PCBD2: variants seen among roughly 807,000 people sequenced by gnomAD.
PCBD2 encodes the protein pterin-4-alpha-carbinolamine dehydratase 2.
PCBD2 carries 12 observed loss-of-function variants against 16.4 expected under a neutral mutation model. That is an observed-to-expected ratio of 0.73 (90% CI 0.47 to 1.19). The LOEUF (loss-of-function observed/expected upper bound fraction) is 1.19. Ranked by LOEUF, PCBD2 falls within the 50% of genes most tolerant of loss-of-function variation. The pLI, the probability that PCBD2 is intolerant of heterozygous loss-of-function variation, is 0.00. For missense variants in PCBD2, 138 were observed against 156.8 expected (o/e 0.88, Z 0.64); for synonymous variants, 58 against 61.8 (o/e 0.94, Z 0.29).
chr5:134,907,993 C>G (rs1021786142), intron 1 of PCBD2, among the ~76,000 whole-genome samples: 4 of 149,894 alleles, frequency 2.7e-5, no homozygotes, highest in Admixed American at 1.3e-4. Flanking sequence ...GATCATAGCT[C>G]ACTGCAGCCT....
intron 2 of PCBD2, among the ~76,000 whole-genome samples, chr5:134,946,360 T>G (rs1751295620): frequency 6.6e-6 from 1 of 152,204 alleles, no homozygotes; most frequent in Non-Finnish European, 1.5e-5. Flanking sequence ...TTGCTGGGCT[T>G]CTTGCTTGAC....
intron 2 of PCBD2, among the ~76,000 whole-genome samples, chr5:134,917,326 T>A (rs933195856): frequency 2.0e-5 from 3 of 152,238 alleles, no homozygotes; most frequent in Admixed American, 6.5e-5. Flanking sequence ...CAGAAGGCTG[T>A]CCCTGTTCTT....
At chr5:134,906,417 G>A (rs999431247) in intron 1 of PCBD2, among the ~76,000 whole-genome samples, 1 of 151,440 alleles carries the variant, frequency 6.6e-6, no homozygotes, top group African/African-American at 2.4e-5. Context: ...TGTTAGCCAG[G>A]ATGGTCTCGA....
chr5:134,946,416 A>G (rs1366413835), intron 2 of PCBD2, among the ~76,000 whole-genome samples: 1 of 152,154 alleles, frequency 6.6e-6, no homozygotes, highest in Non-Finnish European at 1.5e-5. Flanking sequence ...TCTTCCATGG[A>G]CACATTGCTG....
At chr5:134,921,306 G>T (rs1205544882) in intron 2 of PCBD2, among the ~76,000 whole-genome samples, 1 of 152,166 alleles carries the variant, frequency 6.6e-6, no homozygotes, top group Non-Finnish European at 1.5e-5. Flanking sequence ...TGTTAGTCAG[G>T]TACTAGAATG....
intron 2 of PCBD2, 145 bp downstream of exon 2, chr5:134,910,611 A>G (rs2149529984): frequency 1.8e-6 from 2 of 1,081,606 alleles, no homozygotes; most frequent in East Asian, 5.2e-5. Context: ...ATAGAGTGAC[A>G]TCCTTGTTGA....
At chr5:134,914,445 A>T (rs1750803101) in intron 2 of PCBD2, among the ~76,000 whole-genome samples, 1 of 152,032 alleles carries the variant, frequency 6.6e-6, no homozygotes, top group Non-Finnish European at 1.5e-5. Context: ...AACATTTTGT[A>T]TGTTTTTTTT....
intron 2 of PCBD2, among the ~76,000 whole-genome samples, chr5:134,947,095 A>T (rs1479999123): frequency 1.3e-3 from 185 of 146,728 alleles, no homozygotes; most frequent in African/African-American, 3.2e-3. Flanking sequence ...AAAAAAAAAA[A>T]TTTTTTTTTT....
intron 2 of PCBD2, among the ~76,000 whole-genome samples, chr5:134,953,543 G>A (rs905154391): frequency 6.6e-6 from 1 of 151,820 alleles, no homozygotes. Flanking sequence ...ACCTGTAATC[G>A]CGGCACTTTG....
At chr5:134,922,842 A>G (rs1750921109) in intron 2 of PCBD2, among the ~76,000 whole-genome samples, 1 of 151,510 alleles carries the variant, frequency 6.6e-6, no homozygotes, top group African/African-American at 2.4e-5. Flanking sequence ...TTTTGTATTT[A>G]TTTATTTATT....
intron 2 of PCBD2, among the ~76,000 whole-genome samples, chr5:134,950,903 G>T (rs1302454430): frequency 6.6e-6 from 1 of 152,074 alleles, no homozygotes; most frequent in African/African-American, 2.4e-5. Context: ...CTGTAAATTG[G>T]CACTAAAAAC....
rs986241223 is a variant in PCBD2, at chr5:134,959,695, C to A, written c.297+575C>A. Among the ~76,000 whole-genome samples, 6 of 151,926 alleles carry A rather than the reference C, an allele frequency of 3.9e-5. No individual in the cohort carries two copies. The East Asian group carries it at 1.2e-3, about 29-fold the overall frequency. On this transcript the variant is annotated intron_variant, in intron 3 of 3. Transcript: ENST00000254908. Reference sequence around the variant, plus strand: ...TCTATGAAGTCTTCTCTGTGAAAATCTTTGAAAAAAGAGAATTTCACAATA... The same window carrying A: ...TCTATGAAGTCTTCTCTGTGAAAATATTTGAAAAAAGAGAATTTCACAATA...
chr5:134,910,220 G>T, intron 1 of PCBD2, 115 bp from the exon 2 acceptor site: 1 of 1,112,030 alleles, frequency 9.0e-7, no homozygotes, highest in Non-Finnish European at 1.3e-6. Context: ...ATGAAAGATG[G>T]TTAGAATTTG....
intron 1 of PCBD2, among the ~76,000 whole-genome samples, chr5:134,909,911 A>G (rs866366680): frequency 6.6e-6 from 1 of 152,186 alleles, no homozygotes; most frequent in South Asian, 2.1e-4. Flanking sequence ...TCTACCAAAA[A>G]TACAAAAAAT....
chr5:134,931,432 A>C (rs1025506788), intron 2 of PCBD2, among the ~76,000 whole-genome samples: 3 of 152,140 alleles, frequency 2.0e-5, no homozygotes, highest in African/African-American at 7.2e-5. Flanking sequence ...TGAACTAATG[A>C]GTGTTTGAGT....
intron 2 of PCBD2, among the ~76,000 whole-genome samples, chr5:134,915,704 G>A (rs1428545360): frequency 6.6e-6 from 1 of 152,032 alleles, no homozygotes; most frequent in East Asian, 1.9e-4. Flanking sequence ...TCCTGCCTCA[G>A]CCTCTCAAAG....
chr5:134,954,145 G>A (rs1751390045), intron 2 of PCBD2, among the ~76,000 whole-genome samples: 1 of 151,988 alleles, frequency 6.6e-6, no homozygotes, highest in Admixed American at 6.6e-5. Flanking sequence ...TTTTTTTGTA[G>A]AGATAGGGTC....
intron 2 of PCBD2, among the ~76,000 whole-genome samples, chr5:134,944,745 T>G (rs1367279897): frequency 6.6e-6 from 1 of 152,206 alleles, no homozygotes; most frequent in East Asian, 1.9e-4. Context: ...AAAGACCGGC[T>G]CAGCCTCCCA....
chr5:134,927,314 A>G (rs1317676290), intron 2 of PCBD2: 2 of 398,384 alleles, frequency 5.0e-6, no homozygotes, highest in Non-Finnish European at 8.8e-6. Context: ...GTATTATACC[A>G]TAGCCGCCTA....
Sources: allele counts gnomAD v4.1 joint callset (sites outside exome capture counted in the v4.1 genomes callset), GRCh38; gene constraint gnomAD v4.1.1; transcripts MANE v1.5; gene names NCBI Gene and HGNC (gene_info 2026-07-23, HGNC 2026-07-21).